GRIK1: variants seen among roughly 807,000 people sequenced by gnomAD.
GRIK1 encodes glutamate ionotropic receptor kainate type subunit 1.
Under a neutral mutation model 105.7 loss-of-function variants are expected in GRIK1, and 69 were observed. The ratio of observed to expected loss-of-function variants is 0.65; its 90% CI spans 0.54 to 0.80. The LOEUF (loss-of-function observed/expected upper bound fraction) is 0.80. Ranked by LOEUF, GRIK1 falls within the 30% of genes least tolerant of loss-of-function variation. The pLI is 0.00. For synonymous variants in GRIK1, 438 were observed against 431.3 expected (o/e 1.02, Z -0.19); for missense variants, 1,109 against 1,167.3 (o/e 0.95, Z 0.73).
chr21:29,812,939 T>C (rs1404350852), intron 1 of GRIK1, among the ~76,000 whole-genome samples: 1 of 152,150 alleles, frequency 6.6e-6, no homozygotes, highest in Non-Finnish European at 1.5e-5. Context: ...GGTTTTTTAA[T>C]GCTAAGAGAA....
At chr21:29,734,576 T>A (rs1249415379) in intron 1 of GRIK1, among the ~76,000 whole-genome samples, 1 of 151,890 alleles carries the variant, frequency 6.6e-6, no homozygotes, top group African/African-American at 2.4e-5. Context: ...ATTTTTTTGT[T>A]TTTGCAGGGA....
At chr21:29,848,779 A>ATATATATTTTTTTTTTTT in intron 1 of GRIK1, among the ~76,000 whole-genome samples, 8 of 77,864 alleles carry the variant, frequency 1.0e-4, no homozygotes, top group African/African-American at 4.7e-4. Flanking sequence ...ATATATATAT[A>ATATATATTTTTTTTTTTT]TTTTTTTTTT....
At chr21:29,582,379 T>G in intron 12 of GRIK1, 1 of 468,044 alleles carries the variant, frequency 2.1e-6, no homozygotes, top group Admixed American at 2.4e-5. Context: ...TATAGCATTA[T>G]TATAGGTCTA....
intron 10 of GRIK1, among the ~76,000 whole-genome samples, chr21:29,589,514 C>T (rs1288520807): frequency 9.2e-5 from 14 of 151,908 alleles, no homozygotes; most frequent in Admixed American, 3.9e-4. Flanking sequence ...CTCCACCTCC[C>T]GGGTTCAAGC....
At chr21:29,745,475 G>C (rs2065027416) in intron 1 of GRIK1, among the ~76,000 whole-genome samples, 1 of 152,134 alleles carries the variant, frequency 6.6e-6, no homozygotes, top group Admixed American at 6.5e-5. Flanking sequence ...GATAACTTTG[G>C]GTAACTGATA....
chr21:29,823,459 T>C (rs116890134), intron 1 of GRIK1, among the ~76,000 whole-genome samples: 6,515 of 152,026 alleles, frequency 0.043, 200 homozygotes, highest in Non-Finnish European at 0.066. Context: ...ACATAAAATA[T>C]AATGTAAATA....
chr21:29,718,855 C>T (rs897038631), intron 1 of GRIK1, among the ~76,000 whole-genome samples: 5 of 152,148 alleles, frequency 3.3e-5, no homozygotes, highest in Non-Finnish European at 7.3e-5. Context: ...CTTAGCTCAG[C>T]TCTTACTGCT....
At chr21:29,753,490 G>A (rs561755913) in intron 1 of GRIK1, among the ~76,000 whole-genome samples, 1 of 152,162 alleles carries the variant, frequency 6.6e-6, no homozygotes, top group African/African-American at 2.4e-5. Flanking sequence ...CGCAGATGGG[G>A]CCAGTGTAGC....
In GRIK1 at chr21:29,693,915, A is replaced by T. The variant is rs755210108; in HGVS notation, c.267T>A (p.Ser89Arg). The T allele has an allele frequency of 6.2e-7, 1 of 1,613,236 alleles. No individual in the cohort carries two copies. The highest frequency in any genetic ancestry group is 8.5e-7 in the Non-Finnish European group (1 of 1,179,404). Residue 89 changes from serine (S) to arginine (R), a missense_variant, in exon 2 of 18, where the codon AGT becomes AGA. Physicochemically the swap from Ser to Arg is moderately radical, Grantham distance 110. Coordinates refer to ENST00000327783, the MANE Select transcript of GRIK1 (RefSeq NM_001330994.2). ...AGTTACCTCTCCGCGAGGCTTCAAA[A>T]CTATCAAAAAGGTTAATTCTCTGGA... ...YDIQRINLFD[S>R]FEASRRACDQ...
chr21:29,560,345 T>C (rs1387502650), intron 15 of GRIK1, among the ~76,000 whole-genome samples: 1 of 111,096 alleles, frequency 9.0e-6, no homozygotes, highest in African/African-American at 3.9e-5. Flanking sequence ...CTTTCTTTCT[T>C]TCTTTCTTTC....
At chr21:29,695,472 CTATCTATA>C (rs1476421282) in intron 1 of GRIK1, among the ~76,000 whole-genome samples, 84 of 128,826 alleles carry the variant, frequency 6.5e-4, no homozygotes, top group African/African-American at 2.2e-3. Context: ...ATCTATCTAT[CTATCTATA>C]TATATATATT....
intron 1 of GRIK1, among the ~76,000 whole-genome samples, chr21:29,714,111 G>A (rs2064120889): frequency 6.6e-6 from 1 of 152,130 alleles, no homozygotes; most frequent in Admixed American, 6.5e-5. Context: ...TGTATTTTAA[G>A]CAGGTTATTC....
rs754053487 is a variant in GRIK1, at chr21:29,537,862, C to G, written c.2630G>C (p.Arg877Thr). ...CCTTACTTTGTTCCTAAAATAAAAT[C>G]TAATTCTTGATGACTTTCCTTTCTG... ...IEQKGKSSRI[R>T]FYFRNKVRFH... Residue 877 changes from arginine to threonine, a missense_variant, in exon 17 of 18, where the codon AGA (arginine) becomes ACA (threonine). Around this residue, in one of 5 missense-constraint regions of GRIK1, gnomAD observed 161 missense variants for 143.4 expected, o/e 1.12. Coordinates refer to ENST00000327783, the MANE Select transcript of GRIK1 (RefSeq NM_001330994.2). The G allele has an allele frequency of 3.7e-5, 53 of 1,423,528 alleles. No homozygotes were observed. Among genetic ancestry groups the G allele is most frequent in the Non-Finnish European group, 4.6e-5 (47 of 1,012,804 alleles). 88.2% of individuals were successfully genotyped at this position (1,423,528 alleles called of 1,614,324 possible). A position where few individuals can be genotyped will look rare whatever the true frequency, so the allele number is the denominator to read the frequency against.
chr21:29,654,537 T>C (rs1342958417), intron 5 of GRIK1, among the ~76,000 whole-genome samples: 1 of 152,224 alleles, frequency 6.6e-6, no homozygotes, highest in African/African-American at 2.4e-5. Context: ...TAATAGTTTC[T>C]ATTTAATGGA....
At chr21:29,938,785 G>C (rs1436040928) in intron 1 of GRIK1, among the ~76,000 whole-genome samples, 1 of 152,170 alleles carries the variant, frequency 6.6e-6, no homozygotes, top group East Asian at 1.9e-4. Context: ...TCAGCTCGAA[G>C]TCAGATCTGA....
intron 3 of GRIK1, among the ~76,000 whole-genome samples, chr21:29,674,493 C>T (rs1225815035): frequency 6.6e-6 from 1 of 152,016 alleles, no homozygotes; most frequent in Non-Finnish European, 1.5e-5. Flanking sequence ...GGCTCTGTGT[C>T]CCCACTCAAA....
At chr21:29,887,436 C>T (rs186037863) in intron 1 of GRIK1, among the ~76,000 whole-genome samples, 78 of 152,260 alleles carry the variant, frequency 5.1e-4, no homozygotes, top group African/African-American at 1.7e-3. Context: ...ACAGCCTTTG[C>T]TTCCATTAAG....
chr21:29,676,562 G>A (rs996354697), intron 3 of GRIK1, among the ~76,000 whole-genome samples: 1 of 152,164 alleles, frequency 6.6e-6, no homozygotes, highest in African/African-American at 2.4e-5. Flanking sequence ...ACAACACCTA[G>A]CTTTGCTAAT....
intron 1 of GRIK1, among the ~76,000 whole-genome samples, chr21:29,883,990 G>T (rs466961): frequency 0.14 from 21,521 of 151,916 alleles, 1,787 homozygotes; most frequent in East Asian, 0.34. Flanking sequence ...TAAAAAGAAG[G>T]GGGGGATGCT....
Sources: gnomAD v4.1 joint callset for allele counts (sites outside exome capture counted in the v4.1 genomes callset) on GRCh38, gnomAD v4.1.1 for gene constraint, gnomAD v4.1.1 regional missense constraint, MANE v1.5 for transcripts, NCBI Gene and HGNC (gene_info 2026-07-23, HGNC 2026-07-21) for gene names.